Variants in FANCL observed in about 807,000 individuals in gnomAD.
FANCL encodes E3 ubiquitin-protein ligase FANCL.
A neutral mutation model predicts 59.4 loss-of-function variants in FANCL; 69 were observed. The ratio of observed to expected loss-of-function variants is 1.16; its 90% CI spans 0.96 to 1.42. FANCL has a LOEUF of 1.42. FANCL is among the 40% of genes most tolerant of loss of function. The pLI, the probability that FANCL is intolerant of heterozygous loss-of-function variation, is 0.00. For missense variants in FANCL, 519 were observed against 447.2 expected (o/e 1.16, Z -1.45); for synonymous variants, 180 against 147.1 (o/e 1.22, Z -1.62).
chr2:58,181,551 C>A (rs1687939919), intron 7 of FANCL, among the ~76,000 whole-genome samples: 2 of 151,938 alleles, frequency 1.3e-5, no homozygotes, highest in Non-Finnish European at 2.9e-5. Flanking sequence ...TGTATGCATG[C>A]CGATGACATA....
At chr2:58,178,265 G>A (rs1687568024) in intron 7 of FANCL, among the ~76,000 whole-genome samples, 1 of 152,052 alleles carries the variant, frequency 6.6e-6, no homozygotes, top group African/African-American at 2.4e-5. Flanking sequence ...ACCAAAATCT[G>A]GAGGAGGCAC....
chr2:58,233,605 C>T (rs1255361012), intron 1 of FANCL, among the ~76,000 whole-genome samples: 2 of 151,946 alleles, frequency 1.3e-5, no homozygotes, highest in African/African-American at 2.4e-5. Flanking sequence ...CCTCAAATTA[C>T]CTACAGGAAG....
chr2:58,216,516 TGAAA>T (rs1691737264), intron 5 of FANCL, among the ~76,000 whole-genome samples: 1 of 152,126 alleles, frequency 6.6e-6, no homozygotes, highest in African/African-American at 2.4e-5. Flanking sequence ...CCAGTTCTTT[TGAAA>T]GAAAGAATAG....
chr2:58,185,639 T>A (rs541590481), intron 7 of FANCL, among the ~76,000 whole-genome samples: 1 of 152,288 alleles, frequency 6.6e-6, no homozygotes, highest in South Asian at 2.1e-4. Flanking sequence ...AAGACCCCGA[T>A]AATTAAGCAG....
intron 7 of FANCL, among the ~76,000 whole-genome samples, chr2:58,191,476 C>G (rs1004060715): frequency 5.3e-5 from 8 of 151,746 alleles, no homozygotes; most frequent in Non-Finnish European, 1.0e-4. Flanking sequence ...GTATTTCTCT[C>G]AACATCTCTT....
intron 7 of FANCL, among the ~76,000 whole-genome samples, chr2:58,195,891 C>A (rs1689378880): frequency 6.6e-6 from 1 of 152,122 alleles, no homozygotes; most frequent in South Asian, 2.1e-4. Flanking sequence ...AGCCTGAAAT[C>A]CAGCATTTTC....
In FANCL at chr2:58,160,197, T is replaced by G. The variant is rs778252009; in HGVS notation, c.1021-18A>C. 7 of 1,611,102 alleles carry G rather than the reference T, an allele frequency of 4.3e-6. No homozygotes were observed. The highest frequency in any genetic ancestry group is 5.9e-6 in the Non-Finnish European group (7 of 1,177,506). On this transcript the variant is annotated intron_variant, in intron 12 of 13. Transcript: ENST00000233741. ...CTCAGCCACTGCAAATTTTAAAAGA[T>G]AAAGGAGAAGCGTCAGCATGATTAC...
chr2:58,183,189 A>T (rs940737990), intron 7 of FANCL, among the ~76,000 whole-genome samples: 2 of 151,842 alleles, frequency 1.3e-5, no homozygotes, highest in Non-Finnish European at 2.9e-5. Flanking sequence ...TATTTAAAAT[A>T]AAAATGAACA....
chr2:58,239,968 A>G (rs1379686031), intron 1 of FANCL, among the ~76,000 whole-genome samples: 1 of 152,210 alleles, frequency 6.6e-6, no homozygotes, highest in African/African-American at 2.4e-5. Flanking sequence ...TACAAATTGG[A>G]ATTCTAGCTA....
intron 5 of FANCL, among the ~76,000 whole-genome samples, chr2:58,217,215 TACACACACAC>T (rs368257506): frequency 0.15 from 2,978 of 19,964 alleles, 314 homozygotes; most frequent in Middle Eastern, 0.25. Flanking sequence ...TATATATATA[TACACACACAC>T]ACACACACAC....
chr2:58,160,660 G>C (rs1267365082), intron 12 of FANCL, among the ~76,000 whole-genome samples: 1 of 152,008 alleles, frequency 6.6e-6, no homozygotes. Context: ...GCATGAGCCA[G>C]TGAATTTTTA....
At chr2:58,217,201 TATATATATATATATACACACAC>T (rs1305640586) in intron 5 of FANCL, among the ~76,000 whole-genome samples, 2,361 of 12,280 alleles carry the variant, frequency 0.19, 251 homozygotes, top group African/African-American at 0.37. Flanking sequence ...TATATATATA[TATATATATATATATACACACAC>T]ACACACACAC....
intron 2 of FANCL, among the ~76,000 whole-genome samples, chr2:58,231,296 T>A (rs546233190): frequency 6.6e-6 from 1 of 152,290 alleles, no homozygotes; most frequent in Admixed American, 6.5e-5. Flanking sequence ...ACATCTGCAC[T>A]CCAGGTCTCA....
intron 3 of FANCL, among the ~76,000 whole-genome samples, chr2:58,228,468 A>G (rs867284912): frequency 7.9e-5 from 12 of 152,224 alleles, no homozygotes; most frequent in African/African-American, 2.9e-4. Flanking sequence ...TCTGGAAACT[A>G]AAGTCCAGAG....
rs1359670933 is a variant in FANCL, at chr2:58,163,080, G to C, written c.776-6C>G. On this transcript the variant is annotated splice_polypyrimidine_tract_variant and splice_region_variant and intron_variant, in intron 9 of 13. Coordinates refer to ENST00000233741, the MANE Select transcript of FANCL (RefSeq NM_018062.4). ...AATTCCCAGGGGTTTTACCACTTCA[G>C]ATTAAAAAAAAAAAATTTAATAATT... The C allele has an allele frequency of 6.2e-7, 1 of 1,603,488 alleles. No homozygotes were observed. Among genetic ancestry groups the C allele is most frequent in the Non-Finnish European group, 8.5e-7 (1 of 1,175,580 alleles).
chr2:58,186,601 A>C (rs1688425886), intron 7 of FANCL, among the ~76,000 whole-genome samples: 1 of 152,228 alleles, frequency 6.6e-6, no homozygotes. Flanking sequence ...ACCAGAATGC[A>C]AGAGCATTTT....
At chr2:58,231,177 C>T (rs748326873) in intron 2 of FANCL, among the ~76,000 whole-genome samples, 40 of 152,104 alleles carry the variant, frequency 2.6e-4, no homozygotes, top group Non-Finnish European at 5.0e-4. Flanking sequence ...AATGTTGGTA[C>T]GCCCCAAGGT....
intron 7 of FANCL, among the ~76,000 whole-genome samples, chr2:58,184,306 T>A (rs1359900908): frequency 6.6e-6 from 1 of 152,096 alleles, no homozygotes; most frequent in Non-Finnish European, 1.5e-5. Context: ...ATATTTGGAT[T>A]ACATTATACT....
intron 1 of FANCL, among the ~76,000 whole-genome samples, chr2:58,233,727 CTAAG>C (rs1471644146): frequency 1.3e-5 from 2 of 151,756 alleles, no homozygotes; most frequent in Non-Finnish European, 2.9e-5. Context: ...ACTGGGAGGA[CTAAG>C]TAAGTGTAAA....
Sources: gnomAD v4.1 joint callset for allele counts (sites outside exome capture counted in the v4.1 genomes callset) on GRCh38, gnomAD v4.1.1 for gene constraint, MANE v1.5 for transcripts, NCBI Gene and HGNC (gene_info 2026-07-23, HGNC 2026-07-21) for gene names.